SLC25A21: variants seen among roughly 807,000 people sequenced by gnomAD.
SLC25A21 encodes the protein mitochondrial 2-oxodicarboxylate carrier.
SLC25A21 carries 47 observed loss-of-function variants against 43.8 expected under a neutral mutation model. The observed-to-expected ratio is 1.07, with a 90% CI of 0.85 to 1.37. The LOEUF (loss-of-function observed/expected upper bound fraction) is 1.37. SLC25A21 is among the 40% of genes most tolerant of loss of function. The pLI, the probability that SLC25A21 is intolerant of heterozygous loss-of-function variation, is 0.00. For missense variants in SLC25A21, 352 were observed against 350.2 expected (o/e 1.00, Z -0.04); for synonymous variants, 131 against 121.3 (o/e 1.08, Z -0.52).
rs1446573854 is a variant in SLC25A21, at chr14:36,824,245, C to A, written c.120-10244G>T. 2.6e-5 allele frequency among the ~76,000 whole-genome samples: 4 copies of A among 151,854 alleles called. No homozygotes were observed. In the East Asian group the frequency reaches 7.7e-4, roughly 29 times the overall value. The stretch of plus-strand genomic sequence containing the variant: ...GCATTCATAAGCATAATTGCTTATA[C>A]TAGGAAAAAAATTGGGGGAATGGAG... On this transcript the variant is annotated intron_variant, in intron 2 of 9. Coordinates refer to ENST00000331299, the MANE Select transcript of SLC25A21 (RefSeq NM_030631.4).
At chr14:37,155,884 C>A (rs1218009801) in intron 1 of SLC25A21, among the ~76,000 whole-genome samples, 1 of 152,016 alleles carries the variant, frequency 6.6e-6, no homozygotes, top group Non-Finnish European at 1.5e-5. Context: ...GTAGCCCAGC[C>A]CTGATGGTTC....
chr14:36,764,035 A>AG (rs1566587320), intron 3 of SLC25A21, among the ~76,000 whole-genome samples: 12 of 62,858 alleles, frequency 1.9e-4, no homozygotes, highest in African/African-American at 6.6e-4. Context: ...TGAAAGAAAG[A>AG]AAAAGAAAGA....
At chr14:36,691,344 G>A (rs1222904506) in intron 7 of SLC25A21, among the ~76,000 whole-genome samples, 2 of 152,184 alleles carry the variant, frequency 1.3e-5, no homozygotes, top group Admixed American at 1.3e-4. Context: ...CCTAGCCTAA[G>A]TCAAGTATTT....
intron 1 of SLC25A21, among the ~76,000 whole-genome samples, chr14:36,881,897 A>C (rs933370302): frequency 6.6e-6 from 1 of 152,184 alleles, no homozygotes; most frequent in Non-Finnish European, 1.5e-5. Flanking sequence ...GACAATGTTG[A>C]ATGATCCTTT....
chr14:37,152,958 G>C (rs1418426879), intron 1 of SLC25A21, among the ~76,000 whole-genome samples: 1 of 152,144 alleles, frequency 6.6e-6, no homozygotes, highest in Non-Finnish European at 1.5e-5. Context: ...CAACACAGAA[G>C]AGACAGGAAA....
chr14:36,689,108 A>C (rs535827373), intron 7 of SLC25A21, among the ~76,000 whole-genome samples: 4 of 152,364 alleles, frequency 2.6e-5, no homozygotes, highest in Non-Finnish European at 4.4e-5. Context: ...ACAGTTCCAC[A>C]TGGTTGGGGA....
At chr14:36,895,615 C>G (rs1891215513) in intron 1 of SLC25A21, among the ~76,000 whole-genome samples, 1 of 152,106 alleles carries the variant, frequency 6.6e-6, no homozygotes, top group Admixed American at 6.5e-5. Context: ...TTCTCTAGTT[C>G]TCTTAATTGT....
At position 37,155,119 on chromosome 14, in the gene SLC25A21, G is replaced by A. The variant is rs147769168; in HGVS notation, c.70+17162C>T. Among the ~76,000 whole-genome samples, 373 of 151,616 alleles carry A rather than the reference G, an allele frequency of 2.5e-3. 2 individuals are homozygous for A. The highest frequency in any genetic ancestry group is 5.1e-3 in the East Asian group (26 of 5,140). The stretch of plus-strand genomic sequence containing the variant: ...GGAGTTTCACTCTGTTGCCCAGGCT[G>A]GAGTGCAGTGGCACGATCTCAGCTC... On this transcript the variant is annotated intron_variant, in intron 1 of 9. Transcript: ENST00000331299.
At chr14:37,136,828 C>A (rs1292495878) in intron 1 of SLC25A21, among the ~76,000 whole-genome samples, 1 of 151,950 alleles carries the variant, frequency 6.6e-6, no homozygotes, top group Non-Finnish European at 1.5e-5. Context: ...TGTATCATTC[C>A]AACTGTAAGA....
In SLC25A21 at chr14:36,680,334, G is replaced by T; in HGVS notation, c.*324C>A. 9.9e-7 allele frequency: 1 copy of T among 1,010,320 alleles called. No individual in the cohort carries two copies. 62.6% of individuals were successfully genotyped at this position (1,010,320 alleles called of 1,614,324 possible). On this transcript the variant is annotated 3_prime_UTR_variant, in exon 10 of 10. Transcript: ENST00000331299. Reference sequence around the variant, plus strand: ...CTGATCAATACAATGAATTTTCATTGTGAAGCATTGAAGAGGAACACAGGA... The same window carrying T: ...CTGATCAATACAATGAATTTTCATTTTGAAGCATTGAAGAGGAACACAGGA...
intron 2 of SLC25A21, among the ~76,000 whole-genome samples, chr14:36,827,997 G>A (rs1925684): frequency 0.65 from 98,901 of 151,988 alleles, 33,265 homozygotes; most frequent in South Asian, 0.83. Flanking sequence ...TCCTAAATGA[G>A]TGTGGCTTCA....
Position 37,156,158 on chromosome 14 carries a change from CAAAA to C in SLC25A21, c.70+16119_70+16122del, listed in dbSNP as rs61052100. Among the ~76,000 whole-genome samples the C allele has an allele frequency of 3.0e-3, 312 of 103,800 alleles. 1 individual carries two copies. The highest frequency in any genetic ancestry group is 8.4e-3 in the African/African-American group (257 of 30,684). 68.1% of individuals were successfully genotyped at this position (103,800 alleles called of 152,430 possible). A position where few individuals can be genotyped will look rare whatever the true frequency, so the allele number is the denominator to read the frequency against. On this transcript the variant is annotated intron_variant, in intron 1 of 9. Coordinates refer to ENST00000331299, the MANE Select transcript of SLC25A21 (RefSeq NM_030631.4). ...TGGGTGACAGAGTGAGACTCCATCT[CAAAA>C]AAAAAAAAAAAAAAATACACGAAAG...
chr14:37,156,679 C>A (rs1963856522), intron 1 of SLC25A21, among the ~76,000 whole-genome samples: 1 of 151,900 alleles, frequency 6.6e-6, no homozygotes, highest in South Asian at 2.1e-4. Flanking sequence ...AAAAGAAAGA[C>A]AAAGATGGTC....
intron 2 of SLC25A21, among the ~76,000 whole-genome samples, chr14:36,861,297 G>C (rs1890059136): frequency 6.6e-6 from 1 of 152,164 alleles, no homozygotes; most frequent in Non-Finnish European, 1.5e-5. Context: ...TCACAGAAAG[G>C]AAAAACAATC....
In SLC25A21 at chr14:36,764,079, A is replaced by AGAAAGAAAGAAAGAAGGAAAGAAGGAAG. The variant is rs1555326615; in HGVS notation, c.204-29507_204-29506insCTTCCTTCTTTCCTTCTTTCTTTCTTTC. Among the ~76,000 whole-genome samples the AGAAAGAAAGAAAGAAGGAAAGAAGGAAG allele has an allele frequency of 7.2e-5, 3 of 41,868 alleles. 1 individual carries two copies. The highest frequency in any genetic ancestry group is 7.0e-4 in the Admixed American group (2 of 2,860). 27.5% of individuals were successfully genotyped at this position (41,868 alleles called of 152,430 possible). A position where few individuals can be genotyped will look rare whatever the true frequency, so the allele number is the denominator to read the frequency against. The stretch of plus-strand genomic sequence containing the variant: ...AAGAAAGAAAGAAAGAAAGAAAGAA[A>AGAAAGAAAGAAAGAAGGAAAGAAGGAAG]GAAGGAAGGAAGGAAGGAAGGAAGG... On this transcript the variant is annotated intron_variant, in intron 3 of 9. Coordinates refer to ENST00000331299, the MANE Select transcript of SLC25A21 (RefSeq NM_030631.4).
At chr14:36,857,936 A>T (rs926282024) in intron 2 of SLC25A21, among the ~76,000 whole-genome samples, 2 of 152,178 alleles carry the variant, frequency 1.3e-5, no homozygotes, top group Non-Finnish European at 2.9e-5. Flanking sequence ...TATTTTTTTC[A>T]CAATTAATGA....
chr14:37,077,916 G>C (rs951241489), intron 1 of SLC25A21, among the ~76,000 whole-genome samples: 1 of 151,798 alleles, frequency 6.6e-6, no homozygotes, highest in Non-Finnish European at 1.5e-5. Context: ...CAAATCAAAA[G>C]GACTTAAATC....
intron 3 of SLC25A21, among the ~76,000 whole-genome samples, chr14:36,760,580 C>G (rs1310506636): frequency 7.9e-5 from 12 of 152,226 alleles, no homozygotes; most frequent in Non-Finnish European, 8.8e-5. Flanking sequence ...CAGCTCCATA[C>G]TGGCACTCCC....
chr14:37,025,020 T>C (rs1961063914), intron 1 of SLC25A21, among the ~76,000 whole-genome samples: 1 of 152,096 alleles, frequency 6.6e-6, no homozygotes, highest in Non-Finnish European at 1.5e-5. Context: ...TAGAATTTGT[T>C]ATTCTGTACA....
Sources: allele counts gnomAD v4.1 joint callset (sites outside exome capture counted in the v4.1 genomes callset), GRCh38; gene constraint gnomAD v4.1.1; transcripts MANE v1.5; gene names NCBI Gene and HGNC (gene_info 2026-07-23, HGNC 2026-07-21).